Variants in GLIS3 observed in about 807,000 individuals in gnomAD.
GLIS3 encodes GLIS family zinc finger 3.
A neutral mutation model predicts 78.6 loss-of-function variants in GLIS3; 53 were observed. The observed-to-expected ratio is 0.67, with a 90% confidence interval of 0.54 to 0.85. The LOEUF (loss-of-function observed/expected upper bound fraction) is 0.85, where lower values mean the gene tolerates loss of function less well. GLIS3 is among the 40% of genes least tolerant of loss of function. GLIS3 has a pLI of 0.00. For synonymous variants in GLIS3, 684 were observed against 509.9 expected, an observed-to-expected ratio of 1.34 and a Z score of -4.60; for missense variants, 1,703 against 1,231.1, an observed-to-expected ratio of 1.38 and a Z score of -5.74.
intron 2 of GLIS3, among the ~76,000 whole-genome samples, chr9:4,319,986 TG>T (rs1817499616): frequency 5.1e-5 from 1 of 19,438 alleles, no homozygotes; most frequent in African/African-American, 2.9e-4. Context: ...GAGGGGGTTG[TG>T]TGTGTGTGTG....
intron 4 of GLIS3, among the ~76,000 whole-genome samples, chr9:3,997,932 A>C (rs991129516): frequency 2.0e-5 from 3 of 152,176 alleles, no homozygotes; most frequent in African/African-American, 7.2e-5. Flanking sequence ...TAGATTATAT[A>C]ATCTTATACA....
chr9:4,366,898 G>A, the GLIS3 span, among the ~76,000 whole-genome samples: 6 of 152,176 alleles, frequency 3.9e-5, no homozygotes, highest in South Asian at 1.2e-3. Context: ...TTACAGGCTC[G>A]TGGAAGACCA....
At chr9:4,453,395 C>T in the GLIS3 span, among the ~76,000 whole-genome samples, 2,022 of 149,250 alleles carry the variant, frequency 0.014, 51 homozygotes, top group African/African-American at 0.047. Flanking sequence ...GAACAGGCTA[C>T]CTACAGAATG....
At position 3,991,724 on chromosome 9, in the gene GLIS3, T is replaced by A. The variant is rs920870103; in HGVS notation, c.1711-54535A>T. ...TTTTTTTTTTGAGACGGAGTCTCAC[T>A]CTGTCGCCCAGGCTGGAGTGCAGTG... On this transcript the variant is annotated intron_variant, in intron 4 of 10. Transcript: ENST00000381971. Among the ~76,000 whole-genome samples the A allele has an allele frequency of 4.8e-4, 64 of 133,858 alleles. 1 individual carries two copies. The highest frequency in any genetic ancestry group is 8.5e-4 in the Non-Finnish European group (55 of 64,486). 87.8% of individuals were successfully genotyped at this position (133,858 alleles called of 152,430 possible). A position where few individuals can be genotyped will look rare whatever the true frequency, so the allele number is the denominator to read the frequency against.
chr9:3,960,722 A>G (rs1175886925), intron 4 of GLIS3, among the ~76,000 whole-genome samples: 2 of 152,224 alleles, frequency 1.3e-5, no homozygotes, highest in Non-Finnish European at 2.9e-5. Flanking sequence ...ATGAGAGAAA[A>G]CTAGCACGTG....
chr9:4,172,689 C>G (rs1816477488), intron 2 of GLIS3, among the ~76,000 whole-genome samples: 1 of 152,138 alleles, frequency 6.6e-6, no homozygotes, highest in African/African-American at 2.4e-5. Flanking sequence ...TTTGCCTGTC[C>G]TCTCCACAGG....
At chr9:4,017,355 T>A (rs1822523631) in intron 4 of GLIS3, among the ~76,000 whole-genome samples, 1 of 152,180 alleles carries the variant, frequency 6.6e-6, no homozygotes, top group African/African-American at 2.4e-5. Context: ...ACACAAGATG[T>A]AATTTGGGTG....
At chr9:3,930,866 A>T (rs1825566017) in intron 6 of GLIS3, among the ~76,000 whole-genome samples, 1 of 152,114 alleles carries the variant, frequency 6.6e-6, no homozygotes, top group Non-Finnish European at 1.5e-5. Context: ...TTATTACTTC[A>T]AATTTATAAG....
At chr9:3,981,008 T>G (rs993224594) in intron 4 of GLIS3, among the ~76,000 whole-genome samples, 2 of 152,178 alleles carry the variant, frequency 1.3e-5, no homozygotes. Flanking sequence ...TGAAGCGCTC[T>G]TTTGTTGCAG....
chr9:4,335,640 C>G (rs752633536), intron 2 of GLIS3, among the ~76,000 whole-genome samples: 1 of 152,058 alleles, frequency 6.6e-6, no homozygotes, highest in Non-Finnish European at 1.5e-5. Flanking sequence ...CTAAGTAGCC[C>G]GGGGTTAAAC....
intron 2 of GLIS3, among the ~76,000 whole-genome samples, chr9:4,230,031 G>A (rs968550674): frequency 2.6e-5 from 4 of 152,166 alleles, no homozygotes; most frequent in Admixed American, 6.5e-5. Flanking sequence ...ACAGGAGACA[G>A]CAATAAAATA....
chr9:4,249,944 C>A (rs902970483), intron 2 of GLIS3, among the ~76,000 whole-genome samples: 4 of 152,146 alleles, frequency 2.6e-5, no homozygotes, highest in African/African-American at 7.2e-5. Context: ...TATGTTGAAC[C>A]AGCCTTGTAT....
chr9:3,877,786 A>G (rs529130374), intron 8 of GLIS3, among the ~76,000 whole-genome samples: 18 of 151,672 alleles, frequency 1.2e-4, no homozygotes, highest in African/African-American at 3.7e-4. Context: ...ATTGCTCACA[A>G]GGCCTCCTGC....
chr9:3,928,841 G>A (rs1825424522), intron 6 of GLIS3, among the ~76,000 whole-genome samples: 1 of 152,180 alleles, frequency 6.6e-6, no homozygotes, highest in African/African-American at 2.4e-5. Flanking sequence ...TTGAATCTTT[G>A]TGGAAGTGTG....
At chr9:4,039,054 T>TA (rs953270284) in intron 4 of GLIS3, among the ~76,000 whole-genome samples, 2 of 151,958 alleles carry the variant, frequency 1.3e-5, no homozygotes, top group Non-Finnish European at 2.9e-5. Context: ...GGAGGGAGAA[T>TA]AAAAAAGGAA....
rs1832523212 is a variant in GLIS3, at chr9:4,125,717, A to T, written c.596+17T>A. The T allele has an allele frequency of 6.2e-7, 1 of 1,606,970 alleles. No individual in the cohort carries two copies. The highest frequency in any genetic ancestry group is 8.5e-7 in the Non-Finnish European group (1 of 1,175,000). ...TTTATACCATAAAGAAAGGGGAAAAAAAAGTTAACTTGAGACCTGGTATCT... is the reference window on the plus strand; with the variant it reads ...TTTATACCATAAAGAAAGGGGAAAATAAAGTTAACTTGAGACCTGGTATCT... On this transcript the variant is annotated intron_variant, in intron 3 of 10. Coordinates refer to ENST00000381971, the MANE Select transcript of GLIS3 (RefSeq NM_001042413.2).
At chr9:4,202,250 A>G (rs1819470969) in intron 2 of GLIS3, among the ~76,000 whole-genome samples, 1 of 141,770 alleles carries the variant, frequency 7.1e-6, no homozygotes, top group East Asian at 2.1e-4. Context: ...TCCTGGGTTC[A>G]TGCCATTCTC....
chr9:4,414,925 A>C, the GLIS3 span, among the ~76,000 whole-genome samples: 6 of 151,410 alleles, frequency 4.0e-5, no homozygotes, highest in Non-Finnish European at 7.4e-5. Context: ...TTTTCTATCC[A>C]CTGATCCCCA....
intron 4 of GLIS3, among the ~76,000 whole-genome samples, chr9:3,976,195 T>G (rs1305836747): frequency 6.6e-6 from 1 of 152,164 alleles, no homozygotes; most frequent in South Asian, 2.1e-4. Flanking sequence ...TGACACCCAG[T>G]TGCCTTCACA....
Sources: gnomAD v4.1 joint callset for allele counts (sites outside exome capture counted in the v4.1 genomes callset) on GRCh38, gnomAD v4.1.1 for gene constraint, MANE v1.5 for transcripts, NCBI Gene and HGNC (gene_info 2026-07-23, HGNC 2026-07-21) for gene names.